Variants in CACNA2D3 observed in about 807,000 individuals in gnomAD.
CACNA2D3 encodes the protein calcium voltage-gated channel auxiliary subunit alpha2delta 3, also known as voltage-dependent calcium channel subunit alpha-2/delta-3.
A neutral mutation model predicts 160.6 loss-of-function variants in CACNA2D3; 60 were observed. The ratio of observed to expected loss-of-function variants is 0.37; its 90% confidence interval spans 0.30 to 0.46. The LOEUF (loss-of-function observed/expected upper bound fraction) is 0.46, where lower values mean the gene tolerates loss of function less well. CACNA2D3 is among the 20% of genes least tolerant of loss of function. The pLI is 1.00. For missense variants in CACNA2D3, 1,205 were observed against 1,365.0 expected (o/e 0.88, Z 1.85); for synonymous variants, 558 against 492.9 (o/e 1.13, Z -1.75).
At chr3:54,575,039 T>C (rs756611753) in intron 8 of CACNA2D3, among the ~76,000 whole-genome samples, 2 of 152,266 alleles carry the variant, frequency 1.3e-5, no homozygotes, top group African/African-American at 4.8e-5. Context: ...TGCTCATTTG[T>C]TCTGTACTAC....
intron 11 of CACNA2D3, among the ~76,000 whole-genome samples, chr3:54,717,941 T>C (rs965694954): frequency 2.0e-5 from 3 of 152,164 alleles, no homozygotes; most frequent in Non-Finnish European, 4.4e-5. Context: ...TTAATTCCCA[T>C]CCCTGTGATC....
chr3:54,414,026 A>G (rs1451132663), intron 4 of CACNA2D3, among the ~76,000 whole-genome samples: 3 of 151,698 alleles, frequency 2.0e-5, no homozygotes, highest in African/African-American at 7.3e-5. Context: ...TCATCCATGT[A>G]ATGTAAGTTT....
At chr3:54,771,506 G>T (rs141480880) in intron 13 of CACNA2D3, among the ~76,000 whole-genome samples, 1 of 152,136 alleles carries the variant, frequency 6.6e-6, no homozygotes, top group Non-Finnish European at 1.5e-5. Context: ...TTCTTTGCCC[G>T]TATAGGACTG....
At chr3:54,225,838 A>G (rs964984492) in intron 2 of CACNA2D3, among the ~76,000 whole-genome samples, 1 of 151,316 alleles carries the variant, frequency 6.6e-6, no homozygotes, top group African/African-American at 2.4e-5. Flanking sequence ...TGAGTGGTGG[A>G]CATTGTACTT....
chr3:54,230,227 A>C (rs982940347), intron 2 of CACNA2D3, among the ~76,000 whole-genome samples: 1 of 151,932 alleles, frequency 6.6e-6, no homozygotes, highest in Admixed American at 6.6e-5. Flanking sequence ...AAGGCAGCAT[A>C]GTTTTATTAC....
chr3:54,212,401 G>A (rs897685158), intron 2 of CACNA2D3, among the ~76,000 whole-genome samples: 3 of 152,144 alleles, frequency 2.0e-5, no homozygotes, highest in Non-Finnish European at 2.9e-5. Flanking sequence ...ATTGGCAGTC[G>A]GTTGTAAGAG....
intron 11 of CACNA2D3, among the ~76,000 whole-genome samples, chr3:54,648,881 G>T (rs1699703987): frequency 1.3e-5 from 2 of 152,112 alleles, no homozygotes; most frequent in African/African-American, 4.8e-5. Flanking sequence ...GCTCTCACAT[G>T]AACTATTAGA....
At chr3:54,584,435 A>G in intron 9 of CACNA2D3, among the ~76,000 whole-genome samples, 1 of 152,360 alleles carries the variant, frequency 6.6e-6, no homozygotes, top group African/African-American at 2.4e-5. Context: ...ATGACAGCAG[A>G]TAAAATCAGT....
At chr3:54,201,967 A>G (rs759273789) in intron 2 of CACNA2D3, among the ~76,000 whole-genome samples, 2 of 152,246 alleles carry the variant, frequency 1.3e-5, no homozygotes, top group Non-Finnish European at 1.5e-5. Context: ...TTGCCAGATT[A>G]AAGAAATTAA....
At chr3:54,462,067 T>A (rs973619944) in intron 4 of CACNA2D3, among the ~76,000 whole-genome samples, 3 of 152,160 alleles carry the variant, frequency 2.0e-5, no homozygotes, top group African/African-American at 7.2e-5. Context: ...GTTGTTCAGT[T>A]TCCATGTAGT....
rs376398833 is a variant in CACNA2D3, at chr3:54,207,356, G to T, written c.204+83762G>T. On this transcript the variant is annotated intron_variant, in intron 2 of 37. Coordinates refer to ENST00000474759, the MANE Select transcript of CACNA2D3 (RefSeq NM_018398.3). ...GCCAAGGTCACACAGCTAGCAAGTG[G>T]CAGAGCTGGGCTTGCCCGTGACCTG... 3.5e-4 allele frequency among the ~76,000 whole-genome samples: 53 copies of T among 150,862 alleles called. 5 individuals are homozygous for T. The South Asian group carries it at 0.011, about 31-fold the overall frequency.
In CACNA2D3 at chr3:54,924,767, C is replaced by G. The variant is rs376696012; in HGVS notation, c.2449+24899C>G. 3.1e-6 allele frequency: 5 copies of G among 1,613,932 alleles called. No homozygotes were observed. The African/African-American group carries it at 5.3e-5, about 17-fold the overall frequency. ...GCTGCTGAAGCTGGTTTTGTTGAACCGCAAGTATAGTTAGGTTCTCCCAAG... is the reference window on the plus strand; with the variant it reads ...GCTGCTGAAGCTGGTTTTGTTGAACGGCAAGTATAGTTAGGTTCTCCCAAG... On this transcript the variant is annotated intron_variant, in intron 27 of 37. Transcript: ENST00000474759.
chr3:54,805,018 A>C (rs974838144), intron 13 of CACNA2D3, among the ~76,000 whole-genome samples: 1 of 152,240 alleles, frequency 6.6e-6, no homozygotes, highest in African/African-American at 2.4e-5. Context: ...ACAAAGACAC[A>C]ACATACCAGA....
At chr3:54,742,031 T>A (rs1299212191) in intron 11 of CACNA2D3, among the ~76,000 whole-genome samples, 1 of 152,096 alleles carries the variant, frequency 6.6e-6, no homozygotes, top group Non-Finnish European at 1.5e-5. Flanking sequence ...CACACTTGGC[T>A]AATTTTTATA....
chr3:54,343,930 A>G (rs1463641972), intron 3 of CACNA2D3, among the ~76,000 whole-genome samples: 1 of 152,202 alleles, frequency 6.6e-6, no homozygotes, highest in Non-Finnish European at 1.5e-5. Context: ...AATGTCCATA[A>G]TCGTGATATT....
intron 34 of CACNA2D3, among the ~76,000 whole-genome samples, chr3:55,014,662 G>GCGGA (rs1211937867): frequency 2.6e-5 from 4 of 152,092 alleles, no homozygotes; most frequent in Non-Finnish European, 4.4e-5. Context: ...AACCCAGGAG[G>GCGGA]CGGAGGTTGC....
At chr3:54,687,202 G>A (rs1041609848) in intron 11 of CACNA2D3, among the ~76,000 whole-genome samples, 24 of 141,740 alleles carry the variant, frequency 1.7e-4, no homozygotes, top group Admixed American at 3.1e-4. Flanking sequence ...GTGCAATGGT[G>A]CCATCTCGGC....
chr3:54,481,322 T>C (rs944111704), intron 4 of CACNA2D3, among the ~76,000 whole-genome samples: 5 of 152,200 alleles, frequency 3.3e-5, no homozygotes, highest in African/African-American at 1.2e-4. Context: ...GAGTTGTGTT[T>C]CCAGTGTGTT....
chr3:54,455,751 A>G (rs1477370651), intron 4 of CACNA2D3, among the ~76,000 whole-genome samples: 1 of 151,988 alleles, frequency 6.6e-6, no homozygotes, highest in African/African-American at 2.4e-5. Flanking sequence ...ATTTTTTTCT[A>G]TGTGGTGAGA....
Sources: allele counts gnomAD v4.1 joint callset (sites outside exome capture counted in the v4.1 genomes callset), GRCh38; gene constraint gnomAD v4.1.1; transcripts MANE v1.5; gene names NCBI Gene and HGNC (gene_info 2026-07-23, HGNC 2026-07-21).